Variants in SULF1 observed in about 807,000 individuals in gnomAD.
The protein encoded by SULF1 is extracellular sulfatase Sulf-1.
A neutral mutation model predicts 110.5 loss-of-function variants in SULF1; 46 were observed. The observed-to-expected ratio is 0.42, with a 90% CI of 0.33 to 0.53. The LOEUF (loss-of-function observed/expected upper bound fraction) is 0.53. SULF1 is among the 20% of genes least tolerant of loss of function. SULF1 has a pLI of 0.12. For synonymous variants in SULF1, 371 were observed against 387.1 expected (o/e 0.96, Z 0.49); for missense variants, 941 against 1,094.2 (o/e 0.86, Z 1.98).
chr8:69,502,663 TTTTTTCTTTTC>T (rs1810886454), intron 3 of SULF1, among the ~76,000 whole-genome samples: 1 of 151,146 alleles, frequency 6.6e-6, no homozygotes, highest in Non-Finnish European at 1.5e-5. Context: ...GCTTGATTTT[TTTTTTCTTTTC>T]TTTTTCTTTT....
chr8:69,500,490 A>G (rs1052623109), intron 2 of SULF1, among the ~76,000 whole-genome samples: 4 of 152,214 alleles, frequency 2.6e-5, no homozygotes, highest in African/African-American at 4.8e-5. Flanking sequence ...TTGACATCAG[A>G]CTGTGCCAGC....
chr8:69,594,032 A>G (rs1464298115), intron 8 of SULF1, among the ~76,000 whole-genome samples: 1 of 152,104 alleles, frequency 6.6e-6, no homozygotes, highest in East Asian at 1.9e-4. Flanking sequence ...TGTCAGCTTT[A>G]AAAATTTGTT....
chr8:69,480,882 C>A (rs912204402), intron 1 of SULF1, among the ~76,000 whole-genome samples: 1 of 97,516 alleles, frequency 1.0e-5, no homozygotes, highest in African/African-American at 4.2e-5. Flanking sequence ...ACTCTGGGGA[C>A]TGTTGTGGGA....
In SULF1 at chr8:69,601,731, T is replaced by C; in HGVS notation, c.963T>C (p.Ile321=). The C allele has an allele frequency of 6.2e-7, 1 of 1,613,840 alleles. No individual in the cohort carries two copies. The highest frequency in any genetic ancestry group is 8.5e-7 in the Non-Finnish European group (1 of 1,179,910). Residue 321 remains isoleucine (I), a synonymous_variant, in exon 10 of 23, where the codon ATT becomes ATC. Transcript: ENST00000402687. ...IIYTADHGYH[I]GQFGLVKGKS... ...ACACCGCCGACCATGGTTACCATAT[T>C]GGGCAGTTTGGACTGGTCAAGGGGA...
intron 3 of SULF1, among the ~76,000 whole-genome samples, chr8:69,510,265 G>A (rs1811462924): frequency 6.6e-6 from 1 of 152,180 alleles, no homozygotes; most frequent in Admixed American, 6.5e-5. Context: ...GCTCTTTCTT[G>A]TCCTAATTTA....
intron 10 of SULF1, 134 bp from the exon 11 acceptor site, chr8:69,603,058 A>C: frequency 1.6e-6 from 2 of 1,246,842 alleles, no homozygotes; most frequent in Non-Finnish European, 2.3e-6. Context: ...CCACACAACT[A>C]CCCATGCCTA....
At chr8:69,513,980 G>C (rs554804480) in intron 3 of SULF1, among the ~76,000 whole-genome samples, 6 of 152,326 alleles carry the variant, frequency 3.9e-5, no homozygotes, top group African/African-American at 1.4e-4. Context: ...CCTGAGCTTT[G>C]TCCCAGCTGC....
intron 6 of SULF1, among the ~76,000 whole-genome samples, chr8:69,585,278 T>C (rs1386537449): frequency 6.6e-6 from 1 of 152,078 alleles, no homozygotes; most frequent in Non-Finnish European, 1.5e-5. Flanking sequence ...GTGGCTGGAG[T>C]GACTAAACAT....
chr8:69,561,231 A>G (rs1815463857), intron 3 of SULF1, among the ~76,000 whole-genome samples: 1 of 152,178 alleles, frequency 6.6e-6, no homozygotes, highest in Non-Finnish European at 1.5e-5. Flanking sequence ...ATCAAATTGA[A>G]CCCTGTAAAT....
chr8:69,532,594 A>T (rs1271930484), intron 3 of SULF1, among the ~76,000 whole-genome samples: 1 of 152,262 alleles, frequency 6.6e-6, no homozygotes, highest in Admixed American at 6.5e-5. Flanking sequence ...CTTTAAATTC[A>T]TTGTACAGCA....
At chr8:69,621,379 C>A in intron 14 of SULF1, 128 bp downstream of exon 14, 1 of 585,252 alleles carries the variant, frequency 1.7e-6, no homozygotes, top group Non-Finnish European at 2.8e-6. Context: ...GCTAAAAGCA[C>A]ATCATTGCTC....
chr8:69,624,650 C>T (rs962098070), intron 15 of SULF1, among the ~76,000 whole-genome samples: 1 of 152,342 alleles, frequency 6.6e-6, no homozygotes, highest in Non-Finnish European at 1.5e-5. Flanking sequence ...AAACGAAACA[C>T]AGTCCAAGGG....
At chr8:69,494,813 G>A (rs1286100074) in intron 1 of SULF1, among the ~76,000 whole-genome samples, 1 of 151,602 alleles carries the variant, frequency 6.6e-6, no homozygotes, top group African/African-American at 2.4e-5. Context: ...CTAGAAGGTG[G>A]AGACTAGAGT....
At chr8:69,528,323 A>G (rs1812843218) in intron 3 of SULF1, among the ~76,000 whole-genome samples, 1 of 152,206 alleles carries the variant, frequency 6.6e-6, no homozygotes, top group East Asian at 1.9e-4. Context: ...GAGATAGGAC[A>G]GTTGTAGGGA....
At chr8:69,629,463 T>C (rs763863550) in intron 18 of SULF1, 41 bp from the exon 19 acceptor site, 1 of 1,557,372 alleles carries the variant, frequency 6.4e-7, no homozygotes, top group Admixed American at 2.0e-5. Context: ...ATTGAGAAAG[T>C]GCCTTCTGAA....
chr8:69,551,854 G>T (rs1814742017), intron 3 of SULF1, among the ~76,000 whole-genome samples: 1 of 152,180 alleles, frequency 6.6e-6, no homozygotes. Flanking sequence ...CACTTTGAGA[G>T]GCCAAGGCGG....
intron 8 of SULF1, among the ~76,000 whole-genome samples, chr8:69,598,970 A>G (rs117534007): frequency 1.1e-3 from 160 of 152,300 alleles, no homozygotes; most frequent in Middle Eastern, 3.4e-3. Context: ...AGCATTTTCT[A>G]CTATCAAAAG....
chr8:69,469,974 G>A (rs1035011670), intron 1 of SULF1, among the ~76,000 whole-genome samples: 20 of 152,258 alleles, frequency 1.3e-4, no homozygotes, highest in Admixed American at 4.6e-4. Context: ...CCCGAAAGGC[G>A]GAGGTTGCAG....
intron 13 of SULF1, among the ~76,000 whole-genome samples, chr8:69,620,171 G>A (rs1809491873): frequency 6.6e-6 from 1 of 152,130 alleles, no homozygotes; most frequent in African/African-American, 2.4e-5. Context: ...CTGACCCCTA[G>A]CCAAGCTCCT....
Sources: gnomAD v4.1 joint callset for allele counts (sites outside exome capture counted in the v4.1 genomes callset) on GRCh38, gnomAD v4.1.1 for gene constraint, MANE v1.5 for transcripts, NCBI Gene and HGNC (gene_info 2026-07-23, HGNC 2026-07-21) for gene names.